The following BABAM2 variants were observed in gnomAD, a reference collection of about 807,000 sequenced individuals.
BABAM2 encodes the protein BRISC and BRCA1 A complex member 2.
A neutral mutation model predicts 54.7 loss-of-function variants in BABAM2; 31 were observed. The observed-to-expected ratio is 0.57, with a 90% CI of 0.43 to 0.77. The LOEUF is 0.77. Among genes scored for constraint, BABAM2 ranks in the 30% least tolerant of loss-of-function variants. BABAM2 has a pLI of 0.00. For synonymous variants in BABAM2, 167 were observed against 162.9 expected (o/e 1.03, Z -0.19); for missense variants, 364 against 455.8 (o/e 0.80, Z 1.83).
chr2:28,229,589 C>CT (rs5830065), intron 7 of BABAM2, among the ~76,000 whole-genome samples: 1,926 of 133,202 alleles, frequency 0.014, 36 homozygotes, highest in African/African-American at 0.049. Context: ...TTCTTTTTTT[C>CT]TTTTTTTTTT....
At chr2:27,964,765 A>G (rs1314196628) in intron 3 of BABAM2, among the ~76,000 whole-genome samples, 1 of 152,178 alleles carries the variant, frequency 6.6e-6, no homozygotes, top group African/African-American at 2.4e-5. Context: ...ATTGTCCAAG[A>G]TGATTTTATT....
At chr2:28,315,653 ATTTATT>A (rs1689489532) in intron 11 of BABAM2, among the ~76,000 whole-genome samples, 1 of 148,252 alleles carries the variant, frequency 6.7e-6, no homozygotes, top group Non-Finnish European at 1.5e-5. Flanking sequence ...TTATTTATTT[ATTTATT>A]TTTTATTTTT....
intron 1 of BABAM2, among the ~76,000 whole-genome samples, chr2:27,893,016 A>G (rs977460622): frequency 2.6e-5 from 4 of 152,328 alleles, no homozygotes; most frequent in African/African-American, 4.8e-5. Flanking sequence ...GAAATAATAA[A>G]CTGAAACAGG....
At chr2:28,030,986 A>C (rs921797558) in intron 5 of BABAM2, among the ~76,000 whole-genome samples, 3 of 152,238 alleles carry the variant, frequency 2.0e-5, no homozygotes, top group Non-Finnish European at 4.4e-5. Flanking sequence ...ATAAATAACA[A>C]CATCCTGGAG....
chr2:27,959,311 C>G (rs1484289588), intron 3 of BABAM2, among the ~76,000 whole-genome samples: 1 of 152,112 alleles, frequency 6.6e-6, no homozygotes, highest in Non-Finnish European at 1.5e-5. Context: ...CATAAGATAC[C>G]TAATTAATTG....
intron 10 of BABAM2, among the ~76,000 whole-genome samples, chr2:28,284,834 T>C (rs944269317): frequency 6.6e-6 from 1 of 152,196 alleles, no homozygotes; most frequent in African/African-American, 2.4e-5. Flanking sequence ...TGTTTGTCTG[T>C]TTTAATTGCT....
At chr2:28,101,239 CT>C (rs2148708570) in intron 6 of BABAM2, among the ~76,000 whole-genome samples, 1 of 152,278 alleles carries the variant, frequency 6.6e-6, no homozygotes, top group African/African-American at 2.4e-5. Context: ...AGTCTGTGAT[CT>C]TTCTACTCTA....
chr2:28,089,870 A>G (rs1020368787), intron 6 of BABAM2, among the ~76,000 whole-genome samples: 1 of 129,642 alleles, frequency 7.7e-6, no homozygotes, highest in African/African-American at 2.8e-5. Context: ...CCTACCAGTT[A>G]TCATTGTTAA....
At chr2:28,160,739 T>TG (rs1263680700) in intron 7 of BABAM2, among the ~76,000 whole-genome samples, 4 of 151,276 alleles carry the variant, frequency 2.6e-5, no homozygotes, top group Non-Finnish European at 5.9e-5. Context: ...TAAATTGTTT[T>TG]TTTTTTTTTT....
intron 7 of BABAM2, among the ~76,000 whole-genome samples, chr2:28,180,518 G>A (rs1675505611): frequency 6.6e-6 from 1 of 151,998 alleles, no homozygotes; most frequent in South Asian, 2.1e-4. Flanking sequence ...ACTACTAGAA[G>A]AAAACGTAGA....
chr2:28,295,765 G>A (rs1355487744), intron 10 of BABAM2, among the ~76,000 whole-genome samples: 1 of 151,908 alleles, frequency 6.6e-6, no homozygotes, highest in Non-Finnish European at 1.5e-5. Flanking sequence ...CCAAAGTACT[G>A]GGATTACAGG....
chr2:28,269,100 C>G (rs1685213588), intron 10 of BABAM2, among the ~76,000 whole-genome samples: 1 of 152,212 alleles, frequency 6.6e-6, no homozygotes, highest in African/African-American at 2.4e-5. Flanking sequence ...TGCCCAGCTT[C>G]CAGGGTAACC....
intron 6 of BABAM2, among the ~76,000 whole-genome samples, chr2:28,114,992 C>T: frequency 6.6e-6 from 1 of 152,144 alleles, no homozygotes; most frequent in Non-Finnish European, 1.5e-5. Context: ...CACATTCATA[C>T]ATTTGTTTTT....
chr2:28,253,177 A>G (rs1237969307), intron 10 of BABAM2, among the ~76,000 whole-genome samples: 1 of 151,966 alleles, frequency 6.6e-6, no homozygotes, highest in Non-Finnish European at 1.5e-5. Context: ...GCCAAAGCGG[A>G]TGGATCACCT....
At chr2:27,897,455 G>A (rs567117021) in intron 2 of BABAM2, among the ~76,000 whole-genome samples, 59 of 152,204 alleles carry the variant, frequency 3.9e-4, no homozygotes, top group African/African-American at 1.4e-3. Context: ...CATTTTGCTA[G>A]TGTTAGGTTA....
At chr2:28,130,495 C>T (rs1227237836) in intron 7 of BABAM2, among the ~76,000 whole-genome samples, 2 of 152,202 alleles carry the variant, frequency 1.3e-5, no homozygotes, top group Non-Finnish European at 1.5e-5. Flanking sequence ...CTCTGTCACC[C>T]AGGCTGGAGT....
chr2:27,926,701 A>G (rs974531957), intron 2 of BABAM2, among the ~76,000 whole-genome samples: 2 of 152,234 alleles, frequency 1.3e-5, no homozygotes, highest in Non-Finnish European at 2.9e-5. Flanking sequence ...CGTCAGTCCT[A>G]TAATCCTAAC....
chr2:28,246,324 T>C (rs1268001322), intron 10 of BABAM2, among the ~76,000 whole-genome samples: 1 of 152,246 alleles, frequency 6.6e-6, no homozygotes, highest in Admixed American at 6.5e-5. Flanking sequence ...CTTAATTCCT[T>C]TGTGAAATCT....
chr2:28,153,637 AGAATGTT>A (rs1204462514), intron 7 of BABAM2, among the ~76,000 whole-genome samples: 5 of 152,196 alleles, frequency 3.3e-5, no homozygotes, highest in Non-Finnish European at 5.9e-5. Flanking sequence ...GTGCTTCTCA[AGAATGTT>A]GTCAGTGGAC....
Sources: gnomAD v4.1 joint callset for allele counts (sites outside exome capture counted in the v4.1 genomes callset) on GRCh38, gnomAD v4.1.1 for gene constraint, MANE v1.5 for transcripts, NCBI Gene and HGNC (gene_info 2026-07-23, HGNC 2026-07-21) for gene names.